The following NCALD variants were observed in gnomAD, a reference collection of about 807,000 sequenced individuals.
NCALD encodes the protein neurocalcin delta.
NCALD carries 10 observed loss-of-function variants against 18.6 expected under a neutral mutation model. That is an observed-to-expected ratio of 0.54 (90% CI 0.33 to 0.91). NCALD has a LOEUF of 0.91. Among genes scored for constraint, NCALD ranks in the 40% least tolerant of loss-of-function variants. The pLI is 0.03. For missense variants in NCALD, 184 were observed against 247.6 expected (o/e 0.74, Z 1.72); for synonymous variants, 88 against 87.4 (o/e 1.01, Z -0.04).
At chr8:102,082,737 C>T (rs1824591506) in intron 1 of NCALD, among the ~76,000 whole-genome samples, 1 of 152,050 alleles carries the variant, frequency 6.6e-6, no homozygotes, top group Non-Finnish European at 1.5e-5. Flanking sequence ...TTTTCAAGAC[C>T]ACATGGTGGT....
At chr8:102,062,938 A>G (rs939201419) in intron 1 of NCALD, among the ~76,000 whole-genome samples, 1 of 152,176 alleles carries the variant, frequency 6.6e-6, no homozygotes. Context: ...TAGCATTTCT[A>G]AAACTTGAAT....
chr8:102,030,645 T>G (rs968942070), intron 1 of NCALD, among the ~76,000 whole-genome samples: 1 of 151,798 alleles, frequency 6.6e-6, no homozygotes, highest in Non-Finnish European at 1.5e-5. Flanking sequence ...ACTTTCGGAG[T>G]TGGGCGGATC....
intron 2 of NCALD, among the ~76,000 whole-genome samples, chr8:101,970,186 C>CT (rs1458949749): frequency 6.6e-6 from 1 of 152,178 alleles, no homozygotes; most frequent in Admixed American, 6.5e-5. Flanking sequence ...ATTTCAGTTT[C>CT]TACTCTCCAG....
intron 1 of NCALD, among the ~76,000 whole-genome samples, chr8:102,060,864 C>T (rs541208902): frequency 6.6e-6 from 1 of 152,150 alleles, no homozygotes; most frequent in Non-Finnish European, 1.5e-5. Flanking sequence ...ACAGGTCAAA[C>T]AATATGGTTA....
Position 101,800,918 on chromosome 8 carries a change from G to A in NCALD, c.-19-81270C>T, listed in dbSNP as rs189908935. On this transcript the variant is annotated intron_variant, in intron 4 of 6. Coordinates refer to the NCALD transcript ENST00000311028. The stretch of plus-strand genomic sequence containing the variant: ...GAGGGGAGGGGGAAAAAAGGGGAGG[G>A]GGGAGAGAAGGGGAGGGGAGAGGAA... Among the ~76,000 whole-genome samples, 242 of 75,092 alleles carry A rather than the reference G, an allele frequency of 3.2e-3. 4 individuals carry two copies. The highest frequency in any genetic ancestry group is 0.011 in the African/African-American group (213 of 18,654). The allele number at this position is 75,092 out of a possible 152,430, so 49.3% of individuals were successfully genotyped here. A position where few individuals can be genotyped will look rare whatever the true frequency, so the allele number is the denominator to read the frequency against.
intron 3 of NCALD, among the ~76,000 whole-genome samples, chr8:101,891,591 A>AT (rs535106282): frequency 2.6e-5 from 4 of 152,316 alleles, no homozygotes; most frequent in African/African-American, 9.6e-5. Context: ...CTGCATTTCC[A>AT]TCTGAGGTAT....
At chr8:101,988,163 AAAAAGAAAAAAAAAAAGAAAAG>A (rs1820896086) in intron 2 of NCALD, among the ~76,000 whole-genome samples, 2 of 145,462 alleles carry the variant, frequency 1.4e-5, no homozygotes, top group African/African-American at 2.7e-5. Flanking sequence ...TCAAAAAAAA[AAAAAGAAAAAAAAAAAGAAAAG>A]AAAAGAAAAA....
intron 3 of NCALD, among the ~76,000 whole-genome samples, chr8:101,892,043 C>T (rs906188946): frequency 2.0e-5 from 3 of 152,058 alleles, no homozygotes; most frequent in Admixed American, 1.3e-4. Context: ...CCTCTGTAGG[C>T]TCCACCTCTG....
intron 2 of NCALD, among the ~76,000 whole-genome samples, chr8:101,925,690 C>T (rs1252854102): frequency 6.6e-6 from 1 of 152,084 alleles, no homozygotes; most frequent in African/African-American, 2.4e-5. Flanking sequence ...TTGAGCTAAA[C>T]CAGCCCCTAG....
chr8:101,801,601 C>T (rs1214918247), intron 4 of NCALD, among the ~76,000 whole-genome samples: 7 of 137,394 alleles, frequency 5.1e-5, no homozygotes, highest in Non-Finnish European at 7.7e-5. Context: ...CTCAGTTGTC[C>T]ATGGGTTAAA....
intron 4 of NCALD, among the ~76,000 whole-genome samples, chr8:101,800,452 AAAG>A (rs569327438): frequency 1.9e-3 from 290 of 152,226 alleles, no homozygotes; most frequent in African/African-American, 6.6e-3. Flanking sequence ...TTGATTCCCA[AAAG>A]AAGGAGGAAA....
At chr8:101,860,824 A>G (rs1225765300) in intron 4 of NCALD, among the ~76,000 whole-genome samples, 2 of 152,130 alleles carry the variant, frequency 1.3e-5, no homozygotes, top group African/African-American at 4.8e-5. Context: ...AAAAATCGAG[A>G]AACAGCAGTA....
chr8:102,023,854 C>T (rs758589110), intron 1 of NCALD, among the ~76,000 whole-genome samples: 2 of 152,088 alleles, frequency 1.3e-5, no homozygotes, highest in Admixed American at 6.5e-5. Context: ...GCTGTGTTTC[C>T]GTCTCAATGA....
intron 1 of NCALD, among the ~76,000 whole-genome samples, chr8:102,032,733 G>A (rs6987078): frequency 0.26 from 40,075 of 151,624 alleles, 5,752 homozygotes; most frequent in South Asian, 0.45. Context: ...ACAAAAGGAC[G>A]TCCACTGCAG....
intron 3 of NCALD, among the ~76,000 whole-genome samples, chr8:101,890,185 G>A (rs1272401679): frequency 1.3e-5 from 2 of 152,050 alleles, no homozygotes; most frequent in Non-Finnish European, 2.9e-5. Context: ...CAACACAATA[G>A]AAAAAACATA....
intron 4 of NCALD, among the ~76,000 whole-genome samples, chr8:101,818,284 G>A (rs61551365): frequency 0.032 from 4,907 of 152,134 alleles, 260 homozygotes; most frequent in African/African-American, 0.11. Flanking sequence ...TTTAGGTAGC[G>A]ATTTCCTTGG....
rs148544151 is a variant in NCALD at position 101,945,550 on chromosome 8, A to T, written c.-156-29692T>A. 2.3e-4 allele frequency among the ~76,000 whole-genome samples: 35 copies of T among 152,330 alleles called. No homozygotes were observed. The East Asian group carries it at 6.4e-3, about 28-fold the overall frequency. The stretch of plus-strand genomic sequence containing the variant: ...CAAACTCTCCATCTTATGGATGAAG[A>T]GATTGATACAGAGGAAATTAAACCA... On this transcript the variant is annotated intron_variant, in intron 2 of 6. Transcript: ENST00000311028.
chr8:101,837,202 C>T (rs766088334), intron 4 of NCALD, among the ~76,000 whole-genome samples: 9 of 152,146 alleles, frequency 5.9e-5, no homozygotes, highest in Admixed American at 2.6e-4. Context: ...AATCTACTTC[C>T]ATTCACAGCT....
chr8:102,118,965 T>C (rs1186345882), intron 1 of NCALD, among the ~76,000 whole-genome samples: 1 of 152,238 alleles, frequency 6.6e-6, no homozygotes, highest in Non-Finnish European at 1.5e-5. Context: ...GGAATCCTTG[T>C]GCATTGCTGG....
Sources: allele counts gnomAD v4.1 joint callset (sites outside exome capture counted in the v4.1 genomes callset), GRCh38; gene constraint gnomAD v4.1.1; transcripts MANE v1.5; gene names NCBI Gene and HGNC (gene_info 2026-07-23, HGNC 2026-07-21).